Variants in SPNS2 observed in about 807,000 individuals in gnomAD.
The protein encoded by SPNS2 is sphingosine-1-phosphate transporter SPNS2.
SPNS2 carries 37 observed loss-of-function variants against 57.6 expected under a neutral mutation model. That is an observed-to-expected ratio of 0.64 (90% confidence interval 0.49 to 0.85). SPNS2 has a LOEUF of 0.85. Among genes scored for constraint, SPNS2 ranks in the 40% least tolerant of loss-of-function variants. The pLI, the probability that SPNS2 is intolerant of heterozygous loss-of-function variation, is 0.00. For synonymous variants in SPNS2, 440 were observed against 346.9 expected (o/e 1.27, Z -2.98); for missense variants, 831 against 779.1 (o/e 1.07, Z -0.79).
chr17:4,513,550 T>C (rs1297010839), intron 2 of SPNS2, among the ~76,000 whole-genome samples: 1 of 152,248 alleles, frequency 6.6e-6, no homozygotes, highest in South Asian at 2.1e-4. Context: ...CTATGGCAGG[T>C]AAAGGAGAGT....
At chr17:4,501,243 T>G (rs1904498235) in intron 1 of SPNS2, among the ~76,000 whole-genome samples, 1 of 152,034 alleles carries the variant, frequency 6.6e-6, no homozygotes, top group African/African-American at 2.4e-5. Context: ...ACTGTAGCGC[T>G]CTCCAACTTG....
chr17:4,536,185 C>T lies in SPNS2; in HGVS notation c.1443+11C>T, dbSNP rs781406467. On this transcript the variant is annotated intron_variant, in intron 10 of 12. Transcript: ENST00000329078. ...TACCTCATTGGCTTTGTGAGTAGCC[C>T]CGGGGTGGGGCTGGCCAGGGCAGGC... is the stretch of plus-strand genomic sequence containing the variant. The T allele has an allele frequency of 1.9e-6, 3 of 1,610,562 alleles. No homozygotes were observed. Among genetic ancestry groups the T allele is most frequent in the African/African-American group, 2.7e-5 (2 of 74,838 alleles).
chr17:4,509,597 G>T (rs1401360258), intron 1 of SPNS2, among the ~76,000 whole-genome samples: 1 of 152,022 alleles, frequency 6.6e-6, no homozygotes, highest in Non-Finnish European at 1.5e-5. Context: ...GAGGCTGAGT[G>T]CACGGGCCCA....
In SPNS2 at chr17:4,536,344, C is replaced by G. The variant is rs374360936; in HGVS notation, c.1525C>G (p.Pro509Ala). The G allele has an allele frequency of 6.2e-7, 1 of 1,611,530 alleles. No homozygotes were observed. The highest frequency in any genetic ancestry group is 8.5e-7 in the Non-Finnish European group (1 of 1,179,942). ...LSLGYALMLC[P>A]FVVVLGGMFF... ...CCTGGGCTACGCGCTCATGCTCTGC[C>G]CTTTCGTCGTGGTCCTGGGCGGCAT... The change falls in exon 11 of 13, where the codon CCT (proline) becomes GCT (alanine). Residue 509 changes from proline to alanine, a missense_variant. By Grantham distance (27) the Pro-to-Ala change is conservative (BLOSUM62 -1). Transcript: ENST00000329078.
Position 4,530,754 on chromosome 17 carries a change from C to G in SPNS2, c.696C>G (p.Ser232=). 1 of 1,613,816 alleles carries G rather than the reference C, an allele frequency of 6.2e-7. No individual in the cohort carries two copies. Among genetic ancestry groups the G allele is most frequent in the South Asian group, 1.1e-5 (1 of 91,054 alleles). ...AGAACACGCGTACGCTCATGCTGTC[C>G]GTCTTCTACTTCGCCATCCCACTGG... ...FTKNTRTLML[S]VFYFAIPLGS... is the part of the protein sequence containing the mutation. The change falls in exon 4 of 13, where the codon TCC becomes TCG. Residue 232 remains serine, a synonymous_variant. Coordinates refer to ENST00000329078, the MANE Select transcript of SPNS2 (RefSeq NM_001124758.3).
At position 4,528,604 on chromosome 17, in the gene SPNS2, G is replaced by A. The variant is rs945228086; in HGVS notation, c.574-2028G>A. On this transcript the variant is annotated intron_variant, in intron 3 of 12. Transcript: ENST00000329078. The stretch of plus-strand genomic sequence containing the variant: ...CGATTCTCCTGCCTCAGCCTCCCGC[G>A]TAGCTGCGATTATAGGCGACTGCCA... 9.9e-5 allele frequency among the ~76,000 whole-genome samples: 15 copies of A among 152,172 alleles called. 1 individual carries two copies. The highest frequency in any genetic ancestry group is 3.3e-4 in the Admixed American group (5 of 15,290).
intron 1 of SPNS2, among the ~76,000 whole-genome samples, chr17:4,503,438 C>T (rs1166318519): frequency 6.6e-6 from 1 of 152,216 alleles, no homozygotes; most frequent in East Asian, 1.9e-4. Context: ...AGGAGGGAGT[C>T]CCTCAGACGG....
In SPNS2 at chr17:4,538,543, C is replaced by A. The variant is rs1350392771; in HGVS notation, c.*1095C>A. ...CAGGATGCAGCTGCCAACTTCACAC[C>A]AGCCCCAACCCGCTTTGGGGGAGCT... On this transcript the variant is annotated 3_prime_UTR_variant, in exon 13 of 13. Transcript: ENST00000329078. 2 of 329,074 alleles carry A rather than the reference C, an allele frequency of 6.1e-6. No individual in the cohort carries two copies. Among genetic ancestry groups the A allele is most frequent in the East Asian group, 1.8e-4 (2 of 11,182 alleles). 20.4% of individuals were successfully genotyped at this position (329,074 alleles called of 1,614,324 possible). A position where few individuals can be genotyped will look rare whatever the true frequency, so the allele number is the denominator to read the frequency against.
intron 9 of SPNS2, 37 bp downstream of exon 9, chr17:4,533,890 A>T: frequency 7.0e-7 from 1 of 1,431,740 alleles, no homozygotes; most frequent in Admixed American, 1.8e-5. Flanking sequence ...TGTGCTGCTG[A>T]CCCAGGCCTC....
At chr17:4,530,967 TG>T in intron 4 of SPNS2, 85 bp from the exon 5 acceptor site, 1 of 1,518,316 alleles carries the variant, frequency 6.6e-7, no homozygotes, top group Non-Finnish European at 9.0e-7. Flanking sequence ...GTGGGGAGGG[TG>T]GGCAGCCTGC....
In SPNS2 at chr17:4,538,576, C is replaced by A. The variant is rs1695595918; in HGVS notation, c.*1128C>A. 1 of 384,798 alleles carries A rather than the reference C, an allele frequency of 2.6e-6. No homozygotes were observed. Among genetic ancestry groups the A allele is most frequent in the Non-Finnish European group, 4.8e-6 (1 of 208,566 alleles). The allele number at this position is 384,798 out of a possible 1,614,324, so 23.8% of individuals were successfully genotyped here. ...ACCCGCTTTGGGGGAGCTTAGCCCC[C>A]TGCGTCACCCACTCCCTGCACTTCT... On this transcript the variant is annotated 3_prime_UTR_variant, in exon 13 of 13. Coordinates refer to ENST00000329078, the MANE Select transcript of SPNS2 (RefSeq NM_001124758.3).
chr17:4,533,272 C>T lies in SPNS2; in HGVS notation c.1118C>T (p.Thr373Met), dbSNP rs1040752212. 7.5e-6 allele frequency: 12 copies of T among 1,608,304 alleles called. No homozygotes were observed. Among genetic ancestry groups the T allele is most frequent in the Non-Finnish European group, 1.0e-5 (12 of 1,176,934 alleles). ...ATCTTTGGGGCCATCACCTGCTTTA[C>T]GGGATTTCTGGGCGTGGTCACGGGG... Reference protein sequence around the residue: ...SLIFGAITCFTGFLGVVTGAG... With the variant: ...SLIFGAITCFMGFLGVVTGAG... The change falls in exon 8 of 13, where the codon ACG becomes ATG. Residue 373 changes from threonine (T) to methionine (M), a missense_variant. Physicochemically the swap from Thr to Met is moderately conservative, Grantham distance 81. Transcript: ENST00000329078.
chr17:4,504,703 C>T (rs2144305124), intron 1 of SPNS2, among the ~76,000 whole-genome samples: 2 of 152,274 alleles, frequency 1.3e-5, no homozygotes, highest in South Asian at 4.1e-4. Context: ...TCCAGGAGAA[C>T]ACTGGCCCGA....
intron 6 of SPNS2, 31 bp downstream of exon 6, chr17:4,532,715 A>G (rs1597369534): frequency 6.2e-7 from 1 of 1,605,620 alleles, no homozygotes; most frequent in East Asian, 2.2e-5. Flanking sequence ...TCTGGTGGGA[A>G]GAGAGAGGGG....
intron 4 of SPNS2, 116 bp downstream of exon 4, chr17:4,530,899 C>T (rs1006104821): frequency 2.3e-5 from 34 of 1,479,072 alleles, no homozygotes; most frequent in Non-Finnish European, 2.9e-5. Context: ...GAGAGCTAAA[C>T]ATGTGGGCGG....
chr17:4,530,153 G>A (rs565235846), intron 3 of SPNS2, among the ~76,000 whole-genome samples: 26 of 151,856 alleles, frequency 1.7e-4, no homozygotes, highest in African/African-American at 4.8e-4. Flanking sequence ...CCCTGCCAAC[G>A]CCCCACTCCC....
At chr17:4,525,514 C>G (rs540700337) in intron 3 of SPNS2, among the ~76,000 whole-genome samples, 3 of 152,344 alleles carry the variant, frequency 2.0e-5, no homozygotes, top group African/African-American at 7.2e-5. Context: ...AGTCCTAGCC[C>G]TGGCTCTGCC....
chr17:4,537,382 GGAA>G (rs1342815253), intron 12 of SPNS2, 68 bp from the exon 13 acceptor site: 2 of 395,082 alleles, frequency 5.1e-6, no homozygotes, highest in Non-Finnish European at 1.0e-5. Flanking sequence ...GCAAGAAAAG[GGAA>G]GGAGGGAGGG....
chr17:4,536,235 C>A (rs756143017), intron 10 of SPNS2, 28 bp from the exon 11 acceptor site: 1 of 1,609,886 alleles, frequency 6.2e-7, no homozygotes, highest in Non-Finnish European at 8.5e-7. Flanking sequence ...AGGGCTCTGC[C>A]CTGACATCCA....
Sources: gnomAD v4.1 joint callset for allele counts (sites outside exome capture counted in the v4.1 genomes callset) on GRCh38, gnomAD v4.1.1 for gene constraint, MANE v1.5 for transcripts, NCBI Gene and HGNC (gene_info 2026-07-23, HGNC 2026-07-21) for gene names.